ZSWIM6: variants seen among roughly 807,000 people sequenced by gnomAD.
ZSWIM6 encodes zinc finger SWIM-type containing 6, also known as zinc finger SWIM domain-containing protein 6.
Under a neutral mutation model 113.2 loss-of-function variants are expected in ZSWIM6, and 9 were observed. That is an observed-to-expected ratio of 0.08 (90% CI 0.05 to 0.14). ZSWIM6 has a LOEUF of 0.14. Among genes scored for constraint, ZSWIM6 ranks in the 10% least tolerant of loss-of-function variants. The probability of loss-of-function intolerance (pLI) is 1.00; values close to 1 mark genes in which losing one functional copy is unlikely to be tolerated. For missense variants in ZSWIM6, 1,162 were observed against 1,552.2 expected, an observed-to-expected ratio of 0.75 and a Z score of 4.22; for synonymous variants, 611 against 606.5, an observed-to-expected ratio of 1.01 and a Z score of -0.11.
At chr5:61,514,555 A>G (rs1342451660) in intron 4 of ZSWIM6, among the ~76,000 whole-genome samples, 1 of 152,064 alleles carries the variant, frequency 6.6e-6, no homozygotes, top group African/African-American at 2.4e-5. Flanking sequence ...TCCTATTCCT[A>G]GTTTACTGAG....
intron 1 of ZSWIM6, among the ~76,000 whole-genome samples, chr5:61,386,251 A>C (rs1038324790): frequency 6.6e-6 from 1 of 152,168 alleles, no homozygotes; most frequent in Non-Finnish European, 1.5e-5. Context: ...GCATCTGTGG[A>C]CATTTCTCTT....
At chr5:61,405,330 T>C (rs933735863) in intron 1 of ZSWIM6, among the ~76,000 whole-genome samples, 2 of 152,248 alleles carry the variant, frequency 1.3e-5, no homozygotes, top group African/African-American at 4.8e-5. Context: ...AAATAGGATC[T>C]ACATTTTTCT....
chr5:61,354,429 T>G (rs911916741), intron 1 of ZSWIM6, among the ~76,000 whole-genome samples: 3 of 152,228 alleles, frequency 2.0e-5, no homozygotes, highest in Non-Finnish European at 4.4e-5. Context: ...AGTTATAGGA[T>G]GAATAATTAC....
chr5:61,459,577 G>C (rs779535667), intron 1 of ZSWIM6, among the ~76,000 whole-genome samples: 1 of 152,126 alleles, frequency 6.6e-6, no homozygotes, highest in East Asian at 1.9e-4. Flanking sequence ...TACATAGATC[G>C]TTTGCTTTCA....
At chr5:61,463,448 G>T (rs1337011309) in intron 1 of ZSWIM6, among the ~76,000 whole-genome samples, 1 of 152,148 alleles carries the variant, frequency 6.6e-6, no homozygotes, top group Admixed American at 6.5e-5. Context: ...CTCAAACTTT[G>T]GTCCCTGGAC....
intron 1 of ZSWIM6, among the ~76,000 whole-genome samples, chr5:61,463,558 C>T (rs1285907456): frequency 3.3e-5 from 5 of 152,084 alleles, no homozygotes; most frequent in Non-Finnish European, 5.9e-5. Flanking sequence ...TGAGAACCAC[C>T]GATCTATATG....
At chr5:61,345,347 G>T (rs567433676) in intron 1 of ZSWIM6, among the ~76,000 whole-genome samples, 386 of 152,224 alleles carry the variant, frequency 2.5e-3, no homozygotes, top group Middle Eastern at 0.01. Context: ...TAGTATCTGG[G>T]TCTAGATTCT....
chr5:61,523,974 A>G (rs1158042420), intron 5 of ZSWIM6, among the ~76,000 whole-genome samples: 1 of 152,252 alleles, frequency 6.6e-6, no homozygotes, highest in Non-Finnish European at 1.5e-5. Flanking sequence ...TTTGAGCCAA[A>G]TCAATAGGCA....
chr5:61,332,854 C>A lies in ZSWIM6; in HGVS notation c.582C>A (p.Ala194=). The change falls in exon 1 of 14, where the codon GCC becomes GCA. Residue 194 remains alanine (A), a synonymous_variant. Coordinates refer to ENST00000252744, the MANE Select transcript of ZSWIM6 (RefSeq NM_020928.2). The part of the protein sequence containing the change: ...AGAGAPSVGA[A]GAADGGDETR... The stretch of plus-strand genomic sequence containing the variant: ...CCGGGGCCCCGTCGGTGGGGGCTGC[C>A]GGGGCGGCGGACGGCGGCGACGAGA... 8.5e-7 allele frequency: 1 copy of A among 1,173,368 alleles called. No homozygotes were observed. Among genetic ancestry groups the A allele is most frequent in the Non-Finnish European group, 1.1e-6 (1 of 933,146 alleles). 72.7% of individuals were successfully genotyped at this position (1,173,368 alleles called of 1,614,324 possible).
At position 61,545,890 on chromosome 5, in the gene ZSWIM6, A is replaced by G. The variant is rs1037268937; in HGVS notation, c.*1573A>G. 1 of 152,120 alleles carries G rather than the reference A, an allele frequency of 6.6e-6. No individual in the cohort carries two copies. Among genetic ancestry groups the G allele is most frequent in the Non-Finnish European group, 1.5e-5 (1 of 68,032 alleles). 9.4% of individuals were successfully genotyped at this position (152,120 alleles called of 1,614,324 possible). On this transcript the variant is annotated 3_prime_UTR_variant, in exon 14 of 14. Transcript: ENST00000252744. ...TTATGTTTTGGTGCAAAAGTTGTCC[A>G]GTGTCTCTTGTTCCCTTCACTAGAG... is the stretch of plus-strand genomic sequence containing the variant.
chr5:61,353,888 C>G (rs1744842144), intron 1 of ZSWIM6, among the ~76,000 whole-genome samples: 1 of 152,186 alleles, frequency 6.6e-6, no homozygotes, highest in Non-Finnish European at 1.5e-5. Flanking sequence ...GGTGCACACA[C>G]CTCAGTTACT....
intron 1 of ZSWIM6, among the ~76,000 whole-genome samples, chr5:61,382,066 G>C (rs972951114): frequency 2.0e-5 from 3 of 152,124 alleles, no homozygotes. Context: ...GCCAAAAGCT[G>C]GTCCTTTCCA....
At chr5:61,386,321 T>G (rs539331584) in intron 1 of ZSWIM6, among the ~76,000 whole-genome samples, 3 of 152,228 alleles carry the variant, frequency 2.0e-5, no homozygotes, top group African/African-American at 7.2e-5. Flanking sequence ...TGTTAGTTTT[T>G]TTCTCTCTCT....
chr5:61,467,494 A>C (rs879081749), intron 1 of ZSWIM6, among the ~76,000 whole-genome samples: 1 of 152,200 alleles, frequency 6.6e-6, no homozygotes, highest in Admixed American at 6.5e-5. Flanking sequence ...AACATACATT[A>C]ATGAAGAAGA....
chr5:61,484,948 T>C (rs1273415566), intron 2 of ZSWIM6, among the ~76,000 whole-genome samples: 2 of 152,204 alleles, frequency 1.3e-5, no homozygotes, highest in Admixed American at 6.5e-5. Context: ...GGGATCATGA[T>C]CTATACGTGC....
chr5:61,355,568 C>G (rs1334390396), intron 1 of ZSWIM6, among the ~76,000 whole-genome samples: 8 of 150,758 alleles, frequency 5.3e-5, no homozygotes, highest in Non-Finnish European at 8.8e-5. Context: ...ACATTTAAAG[C>G]TTTAAACTTT....
intron 1 of ZSWIM6, among the ~76,000 whole-genome samples, chr5:61,335,075 C>G (rs1198907852): frequency 6.6e-6 from 1 of 152,234 alleles, no homozygotes. Context: ...GACAGACACA[C>G]AGCGTGGGCT....
intron 1 of ZSWIM6, among the ~76,000 whole-genome samples, chr5:61,392,887 C>T (rs921645443): frequency 2.0e-5 from 3 of 152,118 alleles, no homozygotes; most frequent in African/African-American, 7.2e-5. Flanking sequence ...ACTGGGATTA[C>T]AGGTGTGAGC....
chr5:61,495,129 T>C (rs1334486416), intron 4 of ZSWIM6, among the ~76,000 whole-genome samples: 1 of 152,166 alleles, frequency 6.6e-6, no homozygotes, highest in Non-Finnish European at 1.5e-5. Flanking sequence ...TATCAGTACC[T>C]GTATTAATTT....
Sources: allele counts gnomAD v4.1 joint callset (sites outside exome capture counted in the v4.1 genomes callset), GRCh38; gene constraint gnomAD v4.1.1; transcripts MANE v1.5; gene names NCBI Gene and HGNC (gene_info 2026-07-23, HGNC 2026-07-21).